FNDC3B: variants seen among roughly 807,000 people sequenced by gnomAD.
The protein encoded by FNDC3B is fibronectin type III domain-containing protein 3B.
Under a neutral mutation model 151.5 loss-of-function variants are expected in FNDC3B, and 12 were observed. That is an observed-to-expected ratio of 0.08 (90% CI 0.05 to 0.13). The LOEUF (loss-of-function observed/expected upper bound fraction) is 0.13, where lower values mean the gene tolerates loss of function less well. Ranked by LOEUF, FNDC3B falls within the 10% of genes least tolerant of loss-of-function variation. The pLI, the probability that FNDC3B is intolerant of heterozygous loss-of-function variation, is 1.00. For missense variants in FNDC3B, 1,214 were observed against 1,505.3 expected, an observed-to-expected ratio of 0.81 and a Z score of 3.20; for synonymous variants, 528 against 549.0, an observed-to-expected ratio of 0.96 and a Z score of 0.54.
intron 9 of FNDC3B, 79 bp from the exon 10 acceptor site, chr3:172,307,284 C>A: frequency 6.9e-7 from 1 of 1,447,130 alleles, no homozygotes; most frequent in South Asian, 1.2e-5. Flanking sequence ...CTACAGAAAG[C>A]CTTAGGGTGA....
intron 23 of FNDC3B, among the ~76,000 whole-genome samples, chr3:172,374,092 C>T (rs999191777): frequency 4.6e-5 from 7 of 152,192 alleles, no homozygotes; most frequent in Non-Finnish European, 8.8e-5. Context: ...TCCAAGGAAG[C>T]GTCTCTGCCT....
intron 23 of FNDC3B, among the ~76,000 whole-genome samples, chr3:172,376,750 A>G (rs1735160923): frequency 6.6e-6 from 1 of 152,040 alleles, no homozygotes; most frequent in Admixed American, 6.6e-5. Flanking sequence ...ACAGAACACT[A>G]AATAGGTGAA....
rs1305687461 is a variant in FNDC3B, at chr3:172,387,602, A to G, written c.3303+6509A>G. On this transcript the variant is annotated intron_variant, in intron 25 of 25. Transcript: ENST00000415807. Reference sequence around the variant, plus strand: ...ATTCTTAGGGCTTTTTTAGTTTTATAGGTTTATTTAAGTATCTGAAGGTCA... The same window carrying G: ...ATTCTTAGGGCTTTTTTAGTTTTATGGGTTTATTTAAGTATCTGAAGGTCA... Among the ~76,000 whole-genome samples the G allele has an allele frequency of 2.0e-5, 3 of 152,180 alleles. No homozygotes were observed. The South Asian group carries it at 6.2e-4, about 32-fold the overall frequency.
chr3:172,377,934 C>A (rs914169496), intron 23 of FNDC3B, among the ~76,000 whole-genome samples: 2 of 152,078 alleles, frequency 1.3e-5, no homozygotes, highest in Non-Finnish European at 2.9e-5. Flanking sequence ...GTTTACACTA[C>A]CAGATTATAG....
intron 6 of FNDC3B, among the ~76,000 whole-genome samples, chr3:172,284,368 T>C (rs570012530): frequency 2.7e-4 from 41 of 152,352 alleles, no homozygotes; most frequent in African/African-American, 9.9e-4. Flanking sequence ...AAAATTTGCC[T>C]ACTCCGGACC....
chr3:172,307,066 C>T (rs1200944889), intron 9 of FNDC3B: 3 of 232,442 alleles, frequency 1.3e-5, no homozygotes, highest in African/African-American at 2.3e-5. Flanking sequence ...ATTTGGAGAT[C>T]GTTCTGGGGT....
intron 3 of FNDC3B, chr3:172,184,431 G>A (rs776889662): frequency 5.3e-5 from 8 of 152,154 alleles, no homozygotes; most frequent in Non-Finnish European, 1.2e-4. Flanking sequence ...ATAAAAATAT[G>A]AGAAACTATT....
intron 11 of FNDC3B, among the ~76,000 whole-genome samples, chr3:172,322,570 C>A (rs556651371): frequency 1.1e-4 from 16 of 152,252 alleles, no homozygotes; most frequent in Non-Finnish European, 1.8e-4. Flanking sequence ...TCCTTTTGGT[C>A]CTGAGAAACC....
intron 25 of FNDC3B, among the ~76,000 whole-genome samples, chr3:172,396,870 T>C (rs1263203311): frequency 6.6e-6 from 1 of 152,216 alleles, no homozygotes; most frequent in African/African-American, 2.4e-5. Flanking sequence ...TATTAAAATT[T>C]AGTGAGATGC....
intron 3 of FNDC3B, among the ~76,000 whole-genome samples, chr3:172,187,834 C>T (rs1053029382): frequency 6.6e-6 from 1 of 152,094 alleles, no homozygotes; most frequent in Non-Finnish European, 1.5e-5. Flanking sequence ...TGCCTAGTCT[C>T]GTCTCAAATG....
At chr3:172,080,178 A>G (rs974461332) in intron 1 of FNDC3B, among the ~76,000 whole-genome samples, 2 of 152,164 alleles carry the variant, frequency 1.3e-5, no homozygotes, top group Non-Finnish European at 2.9e-5. Flanking sequence ...TGGATATTTC[A>G]TGAATTGATT....
rs113254942 is a variant in FNDC3B at position 172,263,651 on chromosome 3, A to G, written c.790+12110A>G. Among the ~76,000 whole-genome samples, 436 of 132,362 alleles carry G rather than the reference A, an allele frequency of 3.3e-3. 4 individuals are homozygous for G. Among genetic ancestry groups the G allele is most frequent in the African/African-American group, 0.012 (422 of 33,966 alleles). The allele number at this position is 132,362 out of a possible 152,430, so 86.8% of individuals were successfully genotyped here. On this transcript the variant is annotated intron_variant, in intron 6 of 25. Transcript: ENST00000415807. ...ATTCGTATTATTTACTACTTACACT[A>G]TCATCCATGGGAAGATGGCTCCAAT...
chr3:172,350,547 A>G (rs140623669), intron 21 of FNDC3B, among the ~76,000 whole-genome samples: 3 of 152,334 alleles, frequency 2.0e-5, no homozygotes, highest in Non-Finnish European at 4.4e-5. Flanking sequence ...GAGTTGAGGT[A>G]TTGAGGTATT....
intron 6 of FNDC3B, among the ~76,000 whole-genome samples, chr3:172,281,817 A>G (rs1326545452): frequency 1.3e-5 from 2 of 152,024 alleles, no homozygotes; most frequent in Admixed American, 6.6e-5. Flanking sequence ...AATCAGCAGA[A>G]TTTTTTTGTT....
chr3:172,301,944 C>T (rs1293463670), intron 9 of FNDC3B: 1 of 152,178 alleles, frequency 6.6e-6, no homozygotes, highest in Non-Finnish European at 1.5e-5. Flanking sequence ...GTCTGTAGAG[C>T]CAGTTATGAA....
At chr3:172,056,760 A>G (rs899709818) in intron 1 of FNDC3B, among the ~76,000 whole-genome samples, 4 of 152,176 alleles carry the variant, frequency 2.6e-5, no homozygotes, top group African/African-American at 9.7e-5. Flanking sequence ...TCTTAATGGG[A>G]TAATTATTTA....
intron 7 of FNDC3B, among the ~76,000 whole-genome samples, chr3:172,286,442 G>T (rs1020892616): frequency 6.6e-6 from 1 of 152,120 alleles, no homozygotes; most frequent in Admixed American, 6.5e-5. Context: ...ACAAAAAAAT[G>T]GTCGAAGTGG....
chr3:172,382,821 G>T (rs950350149), intron 25 of FNDC3B, among the ~76,000 whole-genome samples: 1 of 152,076 alleles, frequency 6.6e-6, no homozygotes, highest in Admixed American at 6.5e-5. Flanking sequence ...TGTTCCATTG[G>T]TCTATATATC....
chr3:172,288,180 C>G (rs1325858339), intron 7 of FNDC3B, among the ~76,000 whole-genome samples: 1 of 152,224 alleles, frequency 6.6e-6, no homozygotes, highest in Non-Finnish European at 1.5e-5. Context: ...ATCTAATCTA[C>G]CAGATACTTC....
Sources: allele counts gnomAD v4.1 joint callset (sites outside exome capture counted in the v4.1 genomes callset), GRCh38; gene constraint gnomAD v4.1.1; transcripts MANE v1.5; gene names NCBI Gene and HGNC (gene_info 2026-07-23, HGNC 2026-07-21).